AFF3: variants seen among roughly 807,000 people sequenced by gnomAD.
AFF3 encodes ALF transcription elongation factor 3, also known as AF4/FMR2 family member 3.
In AFF3, 32 loss-of-function variants were observed where a neutral mutation model predicts 129.7. The ratio of observed to expected loss-of-function variants is 0.25; its 90% confidence interval spans 0.19 to 0.33. The LOEUF (loss-of-function observed/expected upper bound fraction) is 0.33. AFF3 is among the 10% of genes least tolerant of loss of function. The pLI is 1.00. For missense variants in AFF3, 1,373 were observed against 1,592.0 expected (o/e 0.86, Z 2.34); for synonymous variants, 644 against 635.4 (o/e 1.01, Z -0.20).
At chr2:99,945,861 G>C (rs781040504) in intron 7 of AFF3, among the ~76,000 whole-genome samples, 1 of 152,140 alleles carries the variant, frequency 6.6e-6, no homozygotes, top group South Asian at 2.1e-4. Flanking sequence ...CCAGCCACTC[G>C]GCACCTATCA....
chr2:99,976,365 A>G lies in AFF3; in HGVS notation c.873+30267T>C, dbSNP rs1475702926. On this transcript the variant is annotated intron_variant, in intron 7 of 24. Coordinates refer to ENST00000672756, the MANE Select transcript of AFF3 (RefSeq NM_001386135.1). ...TCCTATTTTAGGTTTTGAGATTAGA[A>G]GCTGAGGCCCAAGGACTCAATGAAA... Among the ~76,000 whole-genome samples the G allele has an allele frequency of 2.0e-5, 3 of 152,220 alleles. 1 individual carries two copies. Among genetic ancestry groups the G allele is most frequent in the African/African-American group, 7.2e-5 (3 of 41,452 alleles).
At chr2:99,558,729 A>C in intron 22 of AFF3, 146 bp downstream of exon 22, 1 of 633,178 alleles carries the variant, frequency 1.6e-6, no homozygotes, top group Non-Finnish European at 2.7e-6. Context: ...CCTGAAAGCC[A>C]CAAGTGTGGC....
chr2:99,944,666 C>A (rs549096482), intron 7 of AFF3, among the ~76,000 whole-genome samples: 1 of 152,182 alleles, frequency 6.6e-6, no homozygotes, highest in East Asian at 1.9e-4. Flanking sequence ...CACTATGAAC[C>A]ATGCACGCAC....
chr2:99,698,637 G>A (rs964368433), intron 11 of AFF3, among the ~76,000 whole-genome samples: 2 of 152,144 alleles, frequency 1.3e-5, no homozygotes, highest in Admixed American at 6.5e-5. Flanking sequence ...AATTTCCAAG[G>A]CTTTAATGGA....
chr2:99,850,573 G>A (rs1219387532), intron 7 of AFF3, among the ~76,000 whole-genome samples: 2 of 152,192 alleles, frequency 1.3e-5, no homozygotes, highest in Non-Finnish European at 2.9e-5. Flanking sequence ...AAGAAAGTAA[G>A]CATGATTGAT....
At position 99,572,297 on chromosome 2, in the gene AFF3, C is replaced by G. The variant is rs867988944; in HGVS notation, c.2919-3382G>C. The stretch of plus-strand genomic sequence containing the variant: ...TCTTCTCTTCCCCCTCCCACCACCC[C>G]CCCCCCCCCACCTAGAAACACACGG... On this transcript the variant is annotated intron_variant, in intron 18 of 24. Coordinates refer to ENST00000672756, the MANE Select transcript of AFF3 (RefSeq NM_001386135.1). Among the ~76,000 whole-genome samples, 14 of 119,646 alleles carry G rather than the reference C, an allele frequency of 1.2e-4. 1 individual carries two copies. Among genetic ancestry groups the G allele is most frequent in the African/African-American group, 3.5e-4 (11 of 31,390 alleles). The allele number at this position is 119,646 out of a possible 152,430, so 78.5% of individuals were successfully genotyped here.
chr2:99,917,627 G>A (rs562652968), intron 7 of AFF3, among the ~76,000 whole-genome samples: 5 of 152,106 alleles, frequency 3.3e-5, no homozygotes, highest in Non-Finnish European at 4.4e-5. Context: ...ATTTAGTGAT[G>A]ATGTAATAGA....
Position 99,593,464 on chromosome 2 carries a change from C to T in AFF3, c.2197G>A (p.Asp733Asn), listed in dbSNP as rs749625230. 9 of 1,613,764 alleles carry T rather than the reference C, an allele frequency of 5.6e-6. No individual in the cohort carries two copies. The highest frequency in any genetic ancestry group is 1.3e-5 in the African/African-American group (1 of 74,834). ...TGCTCCTCCAGCTCCTTGGCGATGT[C>T]ACTGGTGGTCCTGGCGTTGATGGAG... ...VGSINARTTS[D>N]IAKELEEQFY... Residue 733 changes from aspartate (D) to asparagine (N), a missense_variant, in exon 15 of 25, where the codon GAC becomes AAC. Physicochemically the swap from Asp to Asn is conservative, Grantham distance 23. Coordinates refer to ENST00000672756, the MANE Select transcript of AFF3 (RefSeq NM_001386135.1).
intron 4 of AFF3, among the ~76,000 whole-genome samples, chr2:100,053,005 G>A (rs1249465643): frequency 6.6e-6 from 1 of 152,244 alleles, no homozygotes; most frequent in African/African-American, 2.4e-5. Flanking sequence ...TGTGACAAGA[G>A]GGGAAGTGGA....
chr2:99,684,091 C>T (rs1214751929), intron 11 of AFF3, among the ~76,000 whole-genome samples: 5 of 152,070 alleles, frequency 3.3e-5, no homozygotes, highest in Admixed American at 6.5e-5. Context: ...GAATGACCCG[C>T]TTTATGTTGG....
chr2:100,037,946 T>G (rs563547971), intron 4 of AFF3, among the ~76,000 whole-genome samples: 1 of 150,786 alleles, frequency 6.6e-6, no homozygotes, highest in Admixed American at 6.7e-5. Flanking sequence ...AGTGTTTTTG[T>G]GTTTTTAATT....
At chr2:99,817,928 A>C (rs34454377) in intron 8 of AFF3, among the ~76,000 whole-genome samples, 4,716 of 152,318 alleles carry the variant, frequency 0.031, 90 homozygotes, top group Non-Finnish European at 0.041. Flanking sequence ...AAGTAAAAAA[A>C]CAAAGTTTAT....
intron 4 of AFF3, among the ~76,000 whole-genome samples, chr2:100,036,794 G>A (rs1684950869): frequency 6.9e-6 from 1 of 144,424 alleles, no homozygotes; most frequent in South Asian, 2.2e-4. Flanking sequence ...GGGAGAGAAA[G>A]TAGTCAAACA....
At chr2:100,124,378 T>G (rs1692100550) in intron 2 of AFF3, among the ~76,000 whole-genome samples, 1 of 152,224 alleles carries the variant, frequency 6.6e-6, no homozygotes, top group Admixed American at 6.5e-5. Flanking sequence ...GTACCAAGGA[T>G]AAAAACAAAC....
At chr2:100,085,082 CT>C (rs1245158754) in intron 4 of AFF3, among the ~76,000 whole-genome samples, 15 of 151,046 alleles carry the variant, frequency 9.9e-5, no homozygotes, top group Admixed American at 9.9e-4. Context: ...AACAGACTAA[CT>C]ATGATTTGAT....
intron 10 of AFF3, 106 bp downstream of exon 10, chr2:99,743,998 T>G (rs1295002187): frequency 3.0e-6 from 3 of 996,090 alleles, no homozygotes; most frequent in Non-Finnish European, 2.9e-6. Context: ...TTTAGTGAAT[T>G]TCTTTGAAAC....
intron 7 of AFF3, among the ~76,000 whole-genome samples, chr2:99,940,581 A>G (rs1347199806): frequency 3.3e-5 from 5 of 152,216 alleles, no homozygotes; most frequent in African/African-American, 1.2e-4. Context: ...TACAAATGCC[A>G]TGGCAATGTC....
chr2:99,668,649 G>T (rs566209054), intron 12 of AFF3, among the ~76,000 whole-genome samples: 1 of 151,686 alleles, frequency 6.6e-6, no homozygotes, highest in Non-Finnish European at 1.5e-5. Context: ...TGCAACCTCC[G>T]CCTCCCAGGT....
intron 4 of AFF3, among the ~76,000 whole-genome samples, chr2:100,043,966 G>A (rs1254919841): frequency 6.6e-6 from 1 of 152,108 alleles, no homozygotes; most frequent in Non-Finnish European, 1.5e-5. Flanking sequence ...TTTAACCCTG[G>A]TGGGCCCCCT....
Sources: gnomAD v4.1 joint callset for allele counts (sites outside exome capture counted in the v4.1 genomes callset) on GRCh38, gnomAD v4.1.1 for gene constraint, MANE v1.5 for transcripts, NCBI Gene and HGNC (gene_info 2026-07-23, HGNC 2026-07-21) for gene names.